ZC4H2: variants seen among roughly 807,000 people sequenced by gnomAD.
ZC4H2 encodes the protein zinc finger C4H2-type containing.
For missense variants in ZC4H2, 137 were observed against 173.9 expected, an observed-to-expected ratio of 0.79 and a Z score of 1.19; for synonymous variants, 84 against 66.3, an observed-to-expected ratio of 1.27 and a Z score of -1.30.
intron 1 of ZC4H2, among the ~76,000 whole-genome samples, chrX:64,992,782 C>A (rs1932334889): frequency 9.0e-6 from 1 of 111,544 alleles, no homozygotes. Context: ...CATTCTCCAA[C>A]CTGCTTTTAC....
At chrX:64,951,563 A>C (rs1930836912) in intron 1 of ZC4H2, among the ~76,000 whole-genome samples, 1 of 111,866 alleles carries the variant, frequency 8.9e-6, no homozygotes, top group African/African-American at 3.3e-5. Context: ...GATGGTGAGC[A>C]TTTTTTCATG....
chrX:65,006,002 C>T (rs1036274605), intron 1 of ZC4H2, among the ~76,000 whole-genome samples: 1 of 111,754 alleles, frequency 8.9e-6, no homozygotes, highest in African/African-American at 3.3e-5. Context: ...ATCAAAACCA[C>T]AATGAGATAC....
In ZC4H2 at chrX:64,950,279, A is replaced by G. The variant is rs754081849; in HGVS notation, c.53+26046T>C. On this transcript the variant is annotated intron_variant, in intron 1 of 4. Transcript: ENST00000374839. ...TGCTTTACTTCCAACTATGTGGTCAATTTTGGAATAAGTGCGGTGTGGTGC... is the reference window on the plus strand; with the variant it reads ...TGCTTTACTTCCAACTATGTGGTCAGTTTTGGAATAAGTGCGGTGTGGTGC... Among the ~76,000 whole-genome samples, 9 of 111,777 alleles carry G rather than the reference A, an allele frequency of 8.1e-5. No individual in the cohort carries two copies. In the South Asian group the frequency reaches 3.0e-3, roughly 37 times the overall value.
intron 1 of ZC4H2, among the ~76,000 whole-genome samples, chrX:64,924,995 C>T (rs1247298497): frequency 9.0e-6 from 1 of 111,267 alleles, no homozygotes; most frequent in African/African-American, 3.3e-5. Context: ...ATCAGTAACA[C>T]AGGAATAATA....
chrX:64,941,233 C>T (rs768886443), intron 1 of ZC4H2, among the ~76,000 whole-genome samples: 29 of 111,908 alleles, frequency 2.6e-4, no homozygotes, highest in African/African-American at 9.4e-4. Flanking sequence ...GTGATTTTTG[C>T]ACATTGATTT....
chrX:64,956,495 C>T (rs921559960), intron 1 of ZC4H2, among the ~76,000 whole-genome samples: 3 of 111,286 alleles, frequency 2.7e-5, no homozygotes, highest in Non-Finnish European at 5.7e-5. Flanking sequence ...AATATGCAAC[C>T]ATGAACACAT....
chrX:64,946,141 A>G (rs978378887), intron 1 of ZC4H2, among the ~76,000 whole-genome samples: 14 of 109,985 alleles, frequency 1.3e-4, no homozygotes, highest in African/African-American at 4.6e-4. Flanking sequence ...AAAAAAAACC[A>G]AAACCAAAAC....
At chrX:64,946,523 A>T (rs1224663524) in intron 1 of ZC4H2, among the ~76,000 whole-genome samples, 1 of 109,472 alleles carries the variant, frequency 9.1e-6, no homozygotes, top group Non-Finnish European at 1.9e-5. Context: ...GGAACTGCAG[A>T]TCAGAGCTGT....
chrX:65,024,906 A>G (rs1477510055), intron 1 of ZC4H2, among the ~76,000 whole-genome samples: 1 of 111,369 alleles, frequency 9.0e-6, no homozygotes. Context: ...GGAGAAAACG[A>G]GAGGGGCTTG....
At chrX:64,942,870 G>A (rs1212708630) in intron 1 of ZC4H2, among the ~76,000 whole-genome samples, 1 of 111,611 alleles carries the variant, frequency 9.0e-6, no homozygotes, top group East Asian at 2.8e-4. Flanking sequence ...TGGGTCAGAT[G>A]GTATTTCTAA....
intron 2 of ZC4H2, among the ~76,000 whole-genome samples, chrX:64,921,306 T>C (rs984847133): frequency 9.8e-5 from 11 of 112,022 alleles, no homozygotes; most frequent in African/African-American, 2.9e-4. Flanking sequence ...AAGATGCTGC[T>C]TGAATAATTC....
intron 1 of ZC4H2, among the ~76,000 whole-genome samples, chrX:65,019,707 G>A (rs944746760): frequency 6.2e-5 from 7 of 112,260 alleles, no homozygotes; most frequent in Non-Finnish European, 1.3e-4. Flanking sequence ...ACAGAAGCAG[G>A]CTTCAGAGGT....
chrX:64,992,444 T>C (rs768707175), intron 1 of ZC4H2, among the ~76,000 whole-genome samples: 1 of 111,682 alleles, frequency 9.0e-6, no homozygotes, highest in Non-Finnish European at 1.9e-5. Flanking sequence ...AGAGTTATAA[T>C]AACCTCTGCC....
chrX:64,954,367 T>C (rs1269775077), intron 1 of ZC4H2, among the ~76,000 whole-genome samples: 1 of 75,660 alleles, frequency 1.3e-5, no homozygotes, highest in Non-Finnish European at 2.1e-5. Context: ...TATATATATA[T>C]ATATAATTAT....
intron 1 of ZC4H2, among the ~76,000 whole-genome samples, chrX:65,016,495 A>C (rs1932798293): frequency 8.9e-6 from 1 of 112,203 alleles, no homozygotes; most frequent in South Asian, 3.7e-4. Context: ...GATGCACAAA[A>C]AAGATGAGAG....
chrX:65,019,432 G>T (rs1469014912), intron 1 of ZC4H2, among the ~76,000 whole-genome samples: 1 of 112,256 alleles, frequency 8.9e-6, no homozygotes, highest in Admixed American at 9.4e-5. Context: ...CAGCAGACCT[G>T]CAGCAGAGGG....
At chrX:64,922,247 CAAAAAA>C (rs374308800) in intron 1 of ZC4H2, 1 of 85,099 alleles carries the variant, frequency 1.2e-5, no homozygotes, top group Non-Finnish European at 1.8e-5. Flanking sequence ...CTTATATCTA[CAAAAAA>C]AAAAAAGAAA....
intron 1 of ZC4H2, among the ~76,000 whole-genome samples, chrX:65,022,128 A>T (rs1170511922): frequency 8.9e-6 from 1 of 112,144 alleles, no homozygotes; most frequent in Admixed American, 9.5e-5. Context: ...TCCTTCTGAA[A>T]CTATTCCAAA....
At position 65,028,206 on chromosome X, in the gene ZC4H2, A is replaced by T. The variant is rs1481271209; in HGVS notation, c.-272+6423T>A. 2.7e-5 allele frequency among the ~76,000 whole-genome samples: 3 copies of T among 111,140 alleles called. No homozygotes were observed. In the Admixed American group the frequency reaches 2.9e-4, roughly 11 times the overall value. On this transcript the variant is annotated intron_variant, in intron 1 of 4. Transcript: ENST00000337990. The stretch of plus-strand genomic sequence containing the variant: ...TAGCTAGCTGCTATAATCTAGTAGA[A>T]TTCCCAGAGGGCTTTTAAGAAGAGG...
Sources: gnomAD v4.1 joint callset for allele counts (sites outside exome capture counted in the v4.1 genomes callset) on GRCh38, gnomAD v4.1.1 for gene constraint, MANE v1.5 for transcripts, NCBI Gene and HGNC (gene_info 2026-07-23, HGNC 2026-07-21) for gene names.